The following TRAPPC9 variants were observed in gnomAD, a reference collection of about 807,000 sequenced individuals.
TRAPPC9 encodes the protein trafficking protein particle complex subunit 9.
A neutral mutation model predicts 124.0 loss-of-function variants in TRAPPC9; 83 were observed. The ratio of observed to expected loss-of-function variants is 0.67; its 90% CI spans 0.56 to 0.80. The LOEUF is 0.80. Ranked by LOEUF, TRAPPC9 falls within the 30% of genes least tolerant of loss-of-function variation. The pLI is 0.00. For missense variants in TRAPPC9, 1,302 were observed against 1,508.3 expected, an observed-to-expected ratio of 0.86 and a Z score of 2.27; for synonymous variants, 638 against 617.5, an observed-to-expected ratio of 1.03 and a Z score of -0.49.
chr8:139,924,037 T>TG (rs1832664359), intron 19 of TRAPPC9, among the ~76,000 whole-genome samples: 1 of 152,164 alleles, frequency 6.6e-6, no homozygotes, highest in Non-Finnish European at 1.5e-5. Context: ...GGAGGGGGCA[T>TG]GGCCAGGACC....
chr8:140,305,577 C>T (rs2066108324), intron 10 of TRAPPC9, among the ~76,000 whole-genome samples: 1 of 152,224 alleles, frequency 6.6e-6, no homozygotes, highest in Non-Finnish European at 1.5e-5. Context: ...GTTCACATTA[C>T]AGGCGTGAGC....
At chr8:139,966,684 A>G (rs1043291404) in intron 19 of TRAPPC9, among the ~76,000 whole-genome samples, 6 of 152,172 alleles carry the variant, frequency 3.9e-5, no homozygotes, top group African/African-American at 1.2e-4. Flanking sequence ...GCAGGGAGAG[A>G]GCTGTTTTTC....
intron 15 of TRAPPC9, among the ~76,000 whole-genome samples, chr8:140,273,762 G>A (rs1183059045): frequency 1.3e-5 from 2 of 152,150 alleles, no homozygotes; most frequent in African/African-American, 4.8e-5. Flanking sequence ...TTCCGCTCTC[G>A]CCCTCCCTCT....
upstream of TRAPPC9, chr8:140,458,487 G>A (rs1226799809): frequency 1.3e-6 from 2 of 1,574,984 alleles, no homozygotes; most frequent in Non-Finnish European, 8.6e-7. Flanking sequence ...GGGCCCGGGA[G>A]GCACGTGAGG....
chr8:139,800,491 G>A (rs1823415569), intron 21 of TRAPPC9, among the ~76,000 whole-genome samples: 1 of 152,224 alleles, frequency 6.6e-6, no homozygotes, highest in Admixed American at 6.5e-5. Context: ...TGCTTTCTGG[G>A]TCGCCTGTCC....
intron 17 of TRAPPC9, among the ~76,000 whole-genome samples, chr8:140,161,959 G>A (rs762504257): frequency 2.0e-5 from 3 of 152,102 alleles, no homozygotes; most frequent in African/African-American, 4.8e-5. Flanking sequence ...AGCCAAGCCC[G>A]AGTGTCCGGC....
At chr8:139,864,292 C>T (rs953432724) in intron 21 of TRAPPC9, among the ~76,000 whole-genome samples, 1 of 152,168 alleles carries the variant, frequency 6.6e-6, no homozygotes, top group Non-Finnish European at 1.5e-5. Flanking sequence ...TTTCCACGTC[C>T]GTCCTTCAAT....
intron 17 of TRAPPC9, among the ~76,000 whole-genome samples, chr8:140,132,848 C>T (rs1443437265): frequency 1.3e-5 from 2 of 152,092 alleles, no homozygotes; most frequent in East Asian, 3.8e-4. Flanking sequence ...GTGGACACAG[C>T]AGCAAGTGCT....
rs930208903 is a variant in TRAPPC9 at position 139,742,166 on chromosome 8, C to T, written c.3056-9964G>A. On this transcript the variant is annotated intron_variant, in intron 21 of 22. Coordinates refer to ENST00000438773, the MANE Select transcript of TRAPPC9 (RefSeq NM_001160372.4). The surrounding 1 kb of genome is among the most constrained non-coding windows in gnomAD (Gnocchi z 4.7). ...GAGAGGCCTGACTGCTCCACGCCTT[C>T]TATGGCACTGTGGTTGCCTGGCTCT... is the stretch of plus-strand genomic sequence containing the variant. Among the ~76,000 whole-genome samples the T allele has an allele frequency of 4.6e-5, 7 of 152,236 alleles. No individual in the cohort carries two copies. The highest frequency in any genetic ancestry group is 8.8e-5 in the Non-Finnish European group (6 of 68,042).
intron 11 of TRAPPC9, among the ~76,000 whole-genome samples, chr8:140,293,574 A>C (rs2065723346): frequency 6.6e-6 from 1 of 152,200 alleles, no homozygotes; most frequent in Non-Finnish European, 1.5e-5. Context: ...AGGGACATGG[A>C]TGAAATTGGA....
At chr8:140,401,720 C>T (rs80293233) in intron 6 of TRAPPC9, among the ~76,000 whole-genome samples, 4,929 of 152,064 alleles carry the variant, frequency 0.032, 293 homozygotes, top group African/African-American at 0.11. Context: ...ATCTCCCAGG[C>T]TCAGGTGATC....
chr8:140,183,530 A>T (rs2062255451), intron 17 of TRAPPC9, among the ~76,000 whole-genome samples: 2 of 152,164 alleles, frequency 1.3e-5, no homozygotes, highest in Non-Finnish European at 2.9e-5. Flanking sequence ...ATTAGCTAGT[A>T]AACAGTCCTG....
chr8:140,049,484 C>T (rs1190722334), intron 17 of TRAPPC9, among the ~76,000 whole-genome samples: 1 of 151,956 alleles, frequency 6.6e-6, no homozygotes, highest in Admixed American at 6.6e-5. Context: ...CGGGAAGAGC[C>T]GGCCCTCGGT....
chr8:139,889,629 T>C (rs992319052), intron 20 of TRAPPC9, among the ~76,000 whole-genome samples: 1 of 152,180 alleles, frequency 6.6e-6, no homozygotes, highest in Non-Finnish European at 1.5e-5. Flanking sequence ...TGAAGCACAG[T>C]TACGAAGGTA....
chr8:139,775,915 C>T (rs538104423), intron 21 of TRAPPC9, among the ~76,000 whole-genome samples: 11 of 152,214 alleles, frequency 7.2e-5, no homozygotes, highest in East Asian at 1.9e-4. Flanking sequence ...GAGTCAACTC[C>T]GCCTTCGGGC....
intron 20 of TRAPPC9, among the ~76,000 whole-genome samples, chr8:139,906,099 A>C (rs528072756): frequency 6.6e-6 from 1 of 152,244 alleles, no homozygotes; most frequent in African/African-American, 2.4e-5. Context: ...CTCAAAAAAC[A>C]AAAAACAACA....
intron 10 of TRAPPC9, among the ~76,000 whole-genome samples, chr8:140,304,245 C>T (rs2066060765): frequency 6.6e-6 from 1 of 152,128 alleles, no homozygotes. Flanking sequence ...CAAGCACCTG[C>T]CACCACGCCC....
intron 21 of TRAPPC9, among the ~76,000 whole-genome samples, chr8:139,740,782 G>A (rs1017815038): frequency 1.8e-4 from 27 of 152,232 alleles, no homozygotes; most frequent in African/African-American, 5.1e-4. Flanking sequence ...GGGCAGACCC[G>A]TCCTTCGGCC....
chr8:140,362,302 C>T (rs944027510), intron 8 of TRAPPC9, among the ~76,000 whole-genome samples: 4 of 152,108 alleles, frequency 2.6e-5, no homozygotes, highest in African/African-American at 9.7e-5. Flanking sequence ...GACGTGCATA[C>T]AGCTATGAAG....
Sources: gnomAD v4.1 joint callset for allele counts (sites outside exome capture counted in the v4.1 genomes callset) on GRCh38, gnomAD v4.1.1 for gene constraint, Gnocchi (gnomAD v3.1) non-coding constraint, MANE v1.5 for transcripts, NCBI Gene and HGNC (gene_info 2026-07-23, HGNC 2026-07-21) for gene names.